CFAP70: variants seen among roughly 807,000 people sequenced by gnomAD.
CFAP70 encodes the protein cilia and flagella associated protein 70.
Under a neutral mutation model 137.6 loss-of-function variants are expected in CFAP70, and 81 were observed. The ratio of observed to expected loss-of-function variants is 0.59; its 90% CI spans 0.49 to 0.71. The LOEUF (loss-of-function observed/expected upper bound fraction) is 0.71, where lower values mean the gene tolerates loss of function less well. Among genes scored for constraint, CFAP70 ranks in the 30% least tolerant of loss-of-function variants. The pLI is 0.00. For missense variants in CFAP70, 976 were observed against 1,226.7 expected (o/e 0.80, Z 3.05); for synonymous variants, 382 against 423.6 (o/e 0.90, Z 1.20).
At chr10:73,318,858 A>G (rs1259988544) in intron 9 of CFAP70, among the ~76,000 whole-genome samples, 1 of 152,252 alleles carries the variant, frequency 6.6e-6, no homozygotes, top group Non-Finnish European at 1.5e-5. Context: ...ATTGGAAAGG[A>G]TATAAGTATT....
chr10:73,331,155 AT>A, intron 8 of CFAP70, 21 bp downstream of exon 9: 2 of 1,545,004 alleles, frequency 1.3e-6, no homozygotes, highest in Non-Finnish European at 1.8e-6. Flanking sequence ...TTATATAAAT[AT>A]TTTTGAGGGG....
chr10:73,337,775 G>A (rs1174341791), intron 6 of CFAP70, among the ~76,000 whole-genome samples: 2 of 151,828 alleles, frequency 1.3e-5, no homozygotes, highest in Non-Finnish European at 2.9e-5. Flanking sequence ...GTGTGGTGGC[G>A]GGTGCCTGTA....
intron 8 of CFAP70, among the ~76,000 whole-genome samples, chr10:73,326,341 G>A (rs1163959499): frequency 8.8e-5 from 13 of 147,866 alleles, no homozygotes; most frequent in Non-Finnish European, 1.9e-4. Flanking sequence ...AAAGCAGTGT[G>A]TAGAGGGAAA....
At chr10:73,311,957 AGTCTTCATAGTGACAAGAACAAT>A in intron 10 of CFAP70, 43 bp from the exon 12 acceptor site, 1 of 1,394,434 alleles carries the variant, frequency 7.2e-7, no homozygotes, top group South Asian at 1.2e-5. Context: ...ATTCCTACAC[AGTCTTCATAGTGACAAGAACAAT>A]GTTCTCTACA....
intron 19 of CFAP70, among the ~76,000 whole-genome samples, chr10:73,289,655 T>C (rs2048019008): frequency 6.6e-6 from 1 of 152,172 alleles, no homozygotes; most frequent in Non-Finnish European, 1.5e-5. Context: ...AAAGATTATG[T>C]TAGGCCTTTG....
At chr10:73,297,361 C>A (rs542005695) in intron 14 of CFAP70, among the ~76,000 whole-genome samples, 188 bp from the exon 16 acceptor site, 1 of 152,292 alleles carries the variant, frequency 6.6e-6, no homozygotes, top group East Asian at 1.9e-4. Flanking sequence ...ATGATTTCTT[C>A]TTTCCTTAAC....
At chr10:73,312,036 T>G (rs1251585774) in intron 10 of CFAP70, 122 bp from the exon 12 acceptor site, 1 of 762,594 alleles carries the variant, frequency 1.3e-6, no homozygotes, top group Admixed American at 2.3e-5. Context: ...AAGAATGAGT[T>G]TGTGTCCTTT....
At chr10:73,335,456 G>A (rs770612940) in exon 7 of CFAP70, 4 of 1,610,872 alleles carry the variant, frequency 2.5e-6, no homozygotes, top group Non-Finnish European at 3.4e-6. Flanking sequence ...GATCAAGGTA[G>A]CAGCGACTTT....
At chr10:73,354,940 T>G (rs1315897033) in intron 1 of CFAP70, 105 bp from the exon 2 acceptor site, 1 of 681,634 alleles carries the variant, frequency 1.5e-6, no homozygotes, top group East Asian at 2.7e-5. Context: ...AATGCCATAG[T>G]CCAGCACTGT....
intron 9 of CFAP70, among the ~76,000 whole-genome samples, chr10:73,316,100 T>C (rs2050312720): frequency 6.6e-6 from 1 of 152,140 alleles, no homozygotes; most frequent in Admixed American, 6.5e-5. Flanking sequence ...TATGTATTTC[T>C]AGTCTTAAAA....
At chr10:73,332,038 T>C (rs1229445957) in intron 7 of CFAP70, among the ~76,000 whole-genome samples, 5 of 152,170 alleles carry the variant, frequency 3.3e-5, no homozygotes, top group Admixed American at 6.5e-5. Context: ...CTTAGATCCA[T>C]CATAGAATTG....
intron 25 of CFAP70, among the ~76,000 whole-genome samples, chr10:73,266,047 T>C (rs1316924005): frequency 6.6e-6 from 1 of 152,146 alleles, no homozygotes; most frequent in East Asian, 1.9e-4. Context: ...ACATGGTATA[T>C]CTTTCTATTA....
chr10:73,360,454 T>C, upstream of CFAP70, among the ~76,000 whole-genome samples: 1 of 152,186 alleles, frequency 6.6e-6, no homozygotes, highest in East Asian at 1.9e-4. Context: ...GCAGGGGACA[T>C]GGGACTTCCT....
rs146690214 is a variant in CFAP70, at chr10:73,316,028, G to A, written c.913-3385C>T. 1.2e-4 allele frequency among the ~76,000 whole-genome samples: 18 copies of A among 152,202 alleles called. No individual in the cohort carries two copies. The East Asian group carries it at 3.5e-3, about 29-fold the overall frequency. ...GTTAAGTGTGTATACACTTATAATT[G>A]TCCTGTCTTCCTGATGAATTGATGC... On this transcript the variant is annotated intron_variant, in intron 9 of 26. Coordinates refer to ENST00000310715, the Ensembl canonical transcript of CFAP70.
intron 23 of CFAP70, 97 bp from the exon 25 acceptor site, chr10:73,273,114 C>T: frequency 1.1e-6 from 1 of 945,564 alleles, no homozygotes; most frequent in Non-Finnish European, 1.7e-6. Context: ...CTCTCCAGAA[C>T]AATCTAAGTT....
At chr10:73,326,611 G>C (rs1410116164) in intron 8 of CFAP70, among the ~76,000 whole-genome samples, 1 of 147,730 alleles carries the variant, frequency 6.8e-6, no homozygotes, top group Non-Finnish European at 1.5e-5. Context: ...AAGAAGAAAA[G>C]AGAGAAGAAT....
intron 1 of CFAP70, among the ~76,000 whole-genome samples, chr10:73,357,126 TAAAA>T (rs2054742077): frequency 6.6e-6 from 1 of 152,126 alleles, no homozygotes. Flanking sequence ...CTTTTACAAA[TAAAA>T]AGAATGAGAG....
chr10:73,310,303 A>C (rs779395463), intron 11 of CFAP70, 54 bp from the exon 13 acceptor site: 2 of 1,248,166 alleles, frequency 1.6e-6, no homozygotes, highest in Non-Finnish European at 2.3e-6. Flanking sequence ...TTTATGAAAA[A>C]TTTAGTAACA....
rs201908406 is a variant in CFAP70, at chr10:73,354,778, C to G, written c.19G>C (p.Ala7Pro). ...ACGGTGATCTGCACGAGTCTGCCTG[C>G]TGATGGCACTTGCTCCATATCACCA... Residue 7 changes from alanine (A) to proline (P), a missense_variant, in exon 2 of 27, where the codon GCA (alanine) becomes CCA (proline). By Grantham distance (27) the Ala-to-Pro change is conservative. Transcript: ENST00000310715. The G allele has an allele frequency of 8.7e-6, 14 of 1,614,076 alleles. No individual in the cohort carries two copies. Among genetic ancestry groups the G allele is most frequent in the Non-Finnish European group, 1.0e-5 (12 of 1,179,986 alleles).
Sources: allele counts gnomAD v4.1 joint callset (sites outside exome capture counted in the v4.1 genomes callset), GRCh38; gene constraint gnomAD v4.1.1; transcripts MANE v1.5; gene names NCBI Gene and HGNC (gene_info 2026-07-23, HGNC 2026-07-21).